ABLIM2: variants seen among roughly 807,000 people sequenced by gnomAD.
ABLIM2 encodes actin-binding LIM protein 2.
A neutral mutation model predicts 97.7 loss-of-function variants in ABLIM2; 53 were observed. That is an observed-to-expected ratio of 0.54 (90% CI 0.44 to 0.68). The LOEUF (loss-of-function observed/expected upper bound fraction) is 0.68. Among genes scored for constraint, ABLIM2 ranks in the 30% least tolerant of loss-of-function variants. The probability of loss-of-function intolerance (pLI) is 0.00; values close to 1 mark genes in which losing one functional copy is unlikely to be tolerated. For missense variants in ABLIM2, 835 were observed against 867.2 expected, an observed-to-expected ratio of 0.96 and a Z score of 0.47; for synonymous variants, 361 against 345.8, an observed-to-expected ratio of 1.04 and a Z score of -0.49.
intron 9 of ABLIM2, among the ~76,000 whole-genome samples, chr4:8,038,507 C>T (rs1785999914): frequency 6.6e-6 from 1 of 152,200 alleles, no homozygotes; most frequent in African/African-American, 2.4e-5. Context: ...GTCTCTTCCC[C>T]ATGTCCCCAG....
chr4:8,036,405 C>T (rs1784495185), intron 9 of ABLIM2, 110 bp from the exon 10 acceptor site: 1 of 1,349,186 alleles, frequency 7.4e-7, no homozygotes, highest in Non-Finnish European at 1.0e-6. Flanking sequence ...AAGCCAGATG[C>T]ATCCCACAGG....
Position 8,022,762 on chromosome 4 carries a change from A to AC in ABLIM2, c.1268-2460dup, listed in dbSNP as rs1339452209. ...GGAACAAAATGCATCGCCAGCTCCC[A>AC]CCTGGAGCACTGTGCTGCTAGGCTC... On this transcript the variant is annotated intron_variant, in intron 12 of 20. Transcript: ENST00000447017. The surrounding 1 kb of genome is among the most constrained non-coding windows in gnomAD (Gnocchi z 7.8). 6.6e-6 allele frequency: 1 copy of AC among 152,324 alleles called. No individual in the cohort carries two copies. The highest frequency in any genetic ancestry group is 6.6e-5 in the Admixed American group (1 of 15,260). 9.4% of individuals were successfully genotyped at this position (152,324 alleles called of 1,614,324 possible).
intron 8 of ABLIM2, among the ~76,000 whole-genome samples, chr4:8,052,507 C>G (rs924707717): frequency 6.6e-6 from 1 of 152,228 alleles, no homozygotes; most frequent in African/African-American, 2.4e-5. Flanking sequence ...GGGATTTCAT[C>G]GCGTGACTCT....
chr4:8,056,775 A>G (rs1355839122), intron 7 of ABLIM2, among the ~76,000 whole-genome samples: 1 of 151,712 alleles, frequency 6.6e-6, no homozygotes, highest in Non-Finnish European at 1.5e-5. Flanking sequence ...TACTAAAAAT[A>G]CAAAAAATTA....
intron 1 of ABLIM2, among the ~76,000 whole-genome samples, chr4:8,138,748 C>T (rs1850527587): frequency 6.6e-6 from 1 of 152,134 alleles, no homozygotes; most frequent in East Asian, 1.9e-4. Flanking sequence ...AAACCCAAAA[C>T]AATAAAAACC....
chr4:8,052,916 C>T (rs1209539517), intron 8 of ABLIM2, among the ~76,000 whole-genome samples: 1 of 152,188 alleles, frequency 6.6e-6, no homozygotes, highest in African/African-American at 2.4e-5. Flanking sequence ...GGATACCCCA[C>T]ATTCGAGAGT....
chr4:8,145,118 C>T (rs1049988850), intron 1 of ABLIM2, among the ~76,000 whole-genome samples: 4 of 152,048 alleles, frequency 2.6e-5, no homozygotes, highest in Admixed American at 6.5e-5. Context: ...TTTGTGGTGT[C>T]GGAGATCAAT....
At chr4:8,034,135 A>G (rs966834102) in intron 10 of ABLIM2, among the ~76,000 whole-genome samples, 1 of 152,206 alleles carries the variant, frequency 6.6e-6, no homozygotes, top group Non-Finnish European at 1.5e-5. Context: ...TTTGGGTCTT[A>G]GCCCTGTGGC....
chr4:7,995,236 C>T (rs1457537391), intron 16 of ABLIM2, among the ~76,000 whole-genome samples: 1 of 152,248 alleles, frequency 6.6e-6, no homozygotes, highest in Non-Finnish European at 1.5e-5. Flanking sequence ...CCTATGGGGC[C>T]TTAAAGAGCA....
Position 8,026,354 on chromosome 4 carries a change from A to T in ABLIM2, c.1267+1405T>A, listed in dbSNP as rs148084536. 2.0e-4 allele frequency among the ~76,000 whole-genome samples: 30 copies of T among 152,350 alleles called. No homozygotes were observed. In the East Asian group the frequency reaches 5.4e-3, roughly 27 times the overall value. ...CAGATCATCCCAAAGCTGTAGGGACAGGCCCTCAGAAAAATGAGGACGGCC... is the reference window on the plus strand; with the variant it reads ...CAGATCATCCCAAAGCTGTAGGGACTGGCCCTCAGAAAAATGAGGACGGCC... On this transcript the variant is annotated intron_variant, in intron 12 of 20. Coordinates refer to ENST00000447017, the MANE Select transcript of ABLIM2 (RefSeq NM_001130083.2).
At chr4:7,976,015 C>T (rs901881419) in intron 20 of ABLIM2, among the ~76,000 whole-genome samples, 1 of 152,230 alleles carries the variant, frequency 6.6e-6, no homozygotes, top group African/African-American at 2.4e-5. Context: ...CACCAGCAGT[C>T]ATCTTTCCCA....
At chr4:8,098,717 G>C (rs1832961056) in intron 2 of ABLIM2, among the ~76,000 whole-genome samples, 1 of 152,180 alleles carries the variant, frequency 6.6e-6, no homozygotes, top group Non-Finnish European at 1.5e-5. Flanking sequence ...TAACCTCTCT[G>C]GGCCTCCTTG....
intron 1 of ABLIM2, among the ~76,000 whole-genome samples, chr4:8,111,652 C>T (rs183198035): frequency 2.0e-3 from 297 of 152,216 alleles, no homozygotes; most frequent in Non-Finnish European, 3.1e-3. Context: ...CTAGGCCAGG[C>T]GCTATGGCTC....
intron 1 of ABLIM2, among the ~76,000 whole-genome samples, chr4:8,117,633 C>T (rs1233803459): frequency 6.6e-6 from 1 of 152,196 alleles, no homozygotes; most frequent in Non-Finnish European, 1.5e-5. Context: ...GCCTGGGATC[C>T]ACCCACTTTT....
intron 1 of ABLIM2, among the ~76,000 whole-genome samples, chr4:8,135,871 A>T (rs73218483): frequency 0.073 from 11,125 of 152,336 alleles, 517 homozygotes; most frequent in South Asian, 0.12. Context: ...TGAAGAGCCA[A>T]CGTGGTGAAG....
At position 7,983,251 on chromosome 4, in the gene ABLIM2, G is replaced by A; in HGVS notation, c.1824+13C>T. 6.2e-7 allele frequency: 1 copy of A among 1,605,504 alleles called. No homozygotes were observed. ...GGGAAATGAGTCCCCTGCCCCGGCA[G>A]TCCCCCGCTTACCTCCAGTCTCGTC... On this transcript the variant is annotated intron_variant, in intron 20 of 20. Coordinates refer to ENST00000447017, the MANE Select transcript of ABLIM2 (RefSeq NM_001130083.2).
In ABLIM2 at chr4:7,999,300, T is replaced by C. The variant is rs1352809858; in HGVS notation, c.1619-6373A>G. 1.6e-4 allele frequency among the ~76,000 whole-genome samples: 24 copies of C among 152,134 alleles called. No individual in the cohort carries two copies. Among genetic ancestry groups the C allele is most frequent in the Non-Finnish European group, 1.5e-5 (1 of 68,028 alleles). The stretch of plus-strand genomic sequence containing the variant: ...CTCGAACTCCCGACCTCAGGTGATC[T>C]GCCTGCCTCGGCCTCCAAAAATGCT... On this transcript the variant is annotated intron_variant, in intron 16 of 20. Coordinates refer to ENST00000447017, the MANE Select transcript of ABLIM2 (RefSeq NM_001130083.2). The surrounding 1 kb of genome is among the most constrained non-coding windows in gnomAD (Gnocchi z 4.4).
intron 20 of ABLIM2, among the ~76,000 whole-genome samples, chr4:7,975,628 C>A (rs1732405063): frequency 6.6e-6 from 1 of 152,228 alleles, no homozygotes; most frequent in South Asian, 2.1e-4. Context: ...GATTGGGCCT[C>A]CAAACTTAAT....
intron 20 of ABLIM2, among the ~76,000 whole-genome samples, chr4:7,968,846 A>C (rs1177281476): frequency 6.6e-6 from 1 of 152,176 alleles, no homozygotes; most frequent in Non-Finnish European, 1.5e-5. Flanking sequence ...TACACTTTAA[A>C]ATGGTTAAAA....
Sources: allele counts gnomAD v4.1 joint callset (sites outside exome capture counted in the v4.1 genomes callset), GRCh38; gene constraint gnomAD v4.1.1; non-coding constraint Gnocchi (gnomAD v3.1); transcripts MANE v1.5; gene names NCBI Gene and HGNC (gene_info 2026-07-23, HGNC 2026-07-21).